The following HSD3B2 variants were observed in gnomAD, a reference collection of about 807,000 sequenced individuals.
HSD3B2 encodes the protein 3 beta-hydroxysteroid dehydrogenase/Delta 5-->4-isomerase type 2.
HSD3B2 carries 8 observed loss-of-function variants against 9.9 expected under a neutral mutation model. The ratio of observed to expected loss-of-function variants is 0.81; its 90% CI spans 0.47 to 1.46. The LOEUF is 1.46. HSD3B2 is among the 40% of genes most tolerant of loss of function. The pLI, the probability that HSD3B2 is intolerant of heterozygous loss-of-function variation, is 0.00. For missense variants in HSD3B2, 410 were observed against 448.3 expected (o/e 0.91, Z 0.77); for synonymous variants, 221 against 184.5 (o/e 1.20, Z -1.60).
At chr1:119,421,547 C>A (rs1432255631) in intron 3 of HSD3B2, among the ~76,000 whole-genome samples, 8 of 145,014 alleles carry the variant, frequency 5.5e-5, no homozygotes, top group Non-Finnish European at 9.1e-5. Context: ...ACACACACAC[C>A]ACACACAAAC....
intron 2 of HSD3B2, among the ~76,000 whole-genome samples, chr1:119,418,655 TA>T (rs1651776486): frequency 1.4e-5 from 2 of 144,450 alleles, no homozygotes; most frequent in Non-Finnish European, 3.0e-5. Context: ...TTATTATTAT[TA>T]TTATTATTAT....
chr1:119,418,949 C>T (rs1465558979), intron 2 of HSD3B2, among the ~76,000 whole-genome samples: 1 of 152,120 alleles, frequency 6.6e-6, no homozygotes, highest in African/African-American at 2.4e-5. Flanking sequence ...CTGCACCCGG[C>T]CTGTTTCTCT....
In HSD3B2 at chr1:119,422,308, C is replaced by T. The variant is rs1651911689; in HGVS notation, c.807C>T (p.Tyr269=). The part of the protein sequence containing the change: ...TPHQSYDNLN[Y]ILSKEFGLRL... ...ACCAAAGCTATGATAACCTTAATTA[C>T]ATCCTGAGCAAAGAGTTTGGCCTCC... Residue 269 remains tyrosine (Y), a synonymous_variant, in exon 4 of 4, where the codon TAC becomes TAT. Coordinates refer to ENST00000369416, the MANE Select transcript of HSD3B2 (RefSeq NM_000198.4). 6.2e-7 allele frequency: 1 copy of T among 1,614,136 alleles called. No homozygotes were observed. Among genetic ancestry groups the T allele is most frequent in the Non-Finnish European group, 8.5e-7 (1 of 1,180,010 alleles).
chr1:119,422,907 G>A lies in HSD3B2; in HGVS notation c.*287G>A, dbSNP rs1254988677. On this transcript the variant is annotated 3_prime_UTR_variant, in exon 4 of 4. Coordinates refer to ENST00000369416, the MANE Select transcript of HSD3B2 (RefSeq NM_000198.4). ...CAATTGTGGTCTCTCTTAACTTGAGGTTCTCTTTTGACTAATAGAGCTCCA... is the reference window on the plus strand; with the variant it reads ...CAATTGTGGTCTCTCTTAACTTGAGATTCTCTTTTGACTAATAGAGCTCCA... 2 of 520,104 alleles carry A rather than the reference G, an allele frequency of 3.8e-6. No homozygotes were observed. The highest frequency in any genetic ancestry group is 3.8e-5 in the African/African-American group (2 of 52,558). The allele number at this position is 520,104 out of a possible 1,614,324, so 32.2% of individuals were successfully genotyped here.
intron 2 of HSD3B2, among the ~76,000 whole-genome samples, chr1:119,418,453 G>T (rs1253943936): frequency 6.6e-6 from 1 of 151,892 alleles, no homozygotes; most frequent in Non-Finnish European, 1.5e-5. Flanking sequence ...CCCCTCCTCT[G>T]CTTCCACTGC....
chr1:119,419,465 G>A lies in HSD3B2; in HGVS notation c.190G>A (p.Asp64Asn). ...GACTGTACTTGAAGGAGACATTCTG[G>A]ATGAGCCATTCCTGAAAAGAGCCTG... ...KLTVLEGDIL[D>N]EPFLKRACQD... The change falls in exon 3 of 4, where the codon GAT (aspartate) becomes AAT (asparagine). Residue 64 changes from aspartate to asparagine, a missense_variant. By Grantham distance (23) the Asp-to-Asn change is conservative. Coordinates refer to ENST00000369416, the MANE Select transcript of HSD3B2 (RefSeq NM_000198.4). 1 of 1,613,700 alleles carries A rather than the reference G, an allele frequency of 6.2e-7. No homozygotes were observed. Among genetic ancestry groups the A allele is most frequent in the East Asian group, 2.2e-5 (1 of 44,854 alleles).
intron 2 of HSD3B2, among the ~76,000 whole-genome samples, chr1:119,417,742 T>C: frequency 6.6e-6 from 1 of 152,214 alleles, no homozygotes; most frequent in East Asian, 1.9e-4. Flanking sequence ...TCACTGTTCT[T>C]TGGCCTTTGT....
intron 3 of HSD3B2, among the ~76,000 whole-genome samples, chr1:119,420,319 C>T (rs1651826330): frequency 6.6e-6 from 1 of 152,086 alleles, no homozygotes; most frequent in Non-Finnish European, 1.5e-5. Flanking sequence ...CTCTTCAAAA[C>T]ACAGCTCCCC....
rs1447119670 is a variant in HSD3B2, at chr1:119,415,396, T to A, written c.-24T>A. 1 of 1,613,516 alleles carries A rather than the reference T, an allele frequency of 6.2e-7. No individual in the cohort carries two copies. Among genetic ancestry groups the A allele is most frequent in the Admixed American group, 1.7e-5 (1 of 60,008 alleles). On this transcript the variant is annotated 5_prime_UTR_variant, in exon 2 of 4. Transcript: ENST00000369416. ...CATCTTCTGTTTCCTGGCAAGTGTT[T>A]CCTGCTACTTTGGATTGGCCACGAT...
intron 3 of HSD3B2, among the ~76,000 whole-genome samples, chr1:119,421,461 A>C (rs1651867701): frequency 1.1e-4 from 1 of 8,914 alleles, no homozygotes; most frequent in Non-Finnish European, 2.0e-4. Flanking sequence ...ATGTATATAT[A>C]TATGTATATA....
At chr1:119,417,465 A>C (rs1651742034) in intron 2 of HSD3B2, 1 of 152,216 alleles carries the variant, frequency 6.6e-6, no homozygotes, top group African/African-American at 2.4e-5. Flanking sequence ...TAAAGTCGGC[A>C]GCAAAGGAGA....
Position 119,421,963 on chromosome 1 carries a change from C to T in HSD3B2, c.462C>T (p.Tyr154=), listed in dbSNP as rs1651890566. The T allele has an allele frequency of 6.2e-7, 1 of 1,614,082 alleles. No homozygotes were observed. Among genetic ancestry groups the T allele is most frequent in the South Asian group, 1.1e-5 (1 of 91,070 alleles). Residue 154 remains tyrosine, a synonymous_variant, in exon 4 of 4, where the codon TAC becomes TAT. Transcript: ENST00000369416. The part of the protein sequence containing the change: ...EPLENTWPTP[Y]PYSKKLAEKA... ...TGGAAAACACATGGCCCACTCCATACCCGTACAGCAAAAAGCTTGCTGAGA... is the reference window on the plus strand; with the variant it reads ...TGGAAAACACATGGCCCACTCCATATCCGTACAGCAAAAAGCTTGCTGAGA...
rs1651915074 is a variant in HSD3B2 at position 119,422,412 on chromosome 1, T to A, written c.911T>A (p.Leu304His). Residue 304 changes from leucine (L) to histidine (H), a missense_variant, in exon 4 of 4, where the codon CTC (leucine) becomes CAC (histidine). By Grantham distance (99) the Leu-to-His change is moderately conservative. Transcript: ENST00000369416. ...CTGCTGGAAGTAGTGAGCTTCCTAC[T>A]CAGCCCAATTTACTCCTATCAACCC... is the stretch of plus-strand genomic sequence containing the variant. ...GFLLEVVSFL[L>H]SPIYSYQPPF... The A allele has an allele frequency of 1.2e-6, 2 of 1,614,016 alleles. No individual in the cohort carries two copies. Among genetic ancestry groups the A allele is most frequent in the Admixed American group, 3.3e-5 (2 of 60,002 alleles).
rs1329835742 is a variant in HSD3B2 at position 119,419,425 on chromosome 1, G to C, written c.150G>C (p.Gln50His). The C allele has an allele frequency of 6.2e-7, 1 of 1,613,554 alleles. No individual in the cohort carries two copies. The highest frequency in any genetic ancestry group is 1.3e-5 in the African/African-American group (1 of 74,862). The change falls in exon 3 of 4, where the codon CAG (glutamine) becomes CAC (histidine). Residue 50 changes from glutamine to histidine, a missense_variant. Coordinates refer to ENST00000369416, the MANE Select transcript of HSD3B2 (RefSeq NM_000198.4). The part of the protein sequence containing the change: ...PELREEFSKL[Q>H]NRTKLTVLEG... ...TGACCTGTGTTCACACAGAGCTCCA[G>C]AACAGGACCAAGCTGACTGTACTTG...
intron 2 of HSD3B2, among the ~76,000 whole-genome samples, 182 bp downstream of exon 2, chr1:119,415,743 T>C (rs1368302840): frequency 6.6e-6 from 1 of 152,160 alleles, no homozygotes; most frequent in Non-Finnish European, 1.5e-5. Flanking sequence ...GGATGGGGTG[T>C]CCAGAGACTG....
Position 119,421,966 on chromosome 1 carries a change from G to C in HSD3B2, c.465G>C (p.Pro155=), listed in dbSNP as rs114527791. The C allele has an allele frequency of 6.2e-7, 1 of 1,613,562 alleles. No homozygotes were observed. Among genetic ancestry groups the C allele is most frequent in the East Asian group, 2.2e-5 (1 of 44,866 alleles). ...AAAACACATGGCCCACTCCATACCCGTACAGCAAAAAGCTTGCTGAGAAGG... is the reference window on the plus strand; with the variant it reads ...AAAACACATGGCCCACTCCATACCCCTACAGCAAAAAGCTTGCTGAGAAGG... ...PLENTWPTPY[P]YSKKLAEKAV... is the part of the protein sequence containing the mutation. The change falls in exon 4 of 4, where the codon CCG becomes CCC. Residue 155 remains proline, a synonymous_variant. Coordinates refer to ENST00000369416, the MANE Select transcript of HSD3B2 (RefSeq NM_000198.4).
At position 119,422,158 on chromosome 1, in the gene HSD3B2, A is replaced by T. The variant is rs764274511; in HGVS notation, c.657A>T (p.Thr219=). The change falls in exon 4 of 4, where the codon ACA becomes ACT. Residue 219 remains threonine (T), a synonymous_variant. Transcript: ENST00000369416. ...GILSSVGKFS[T]VNPVYVGNVA... ...TGTCAAGTGTTGGAAAGTTCTCTAC[A>T]GTCAACCCAGTCTATGTTGGCAACG... The T allele has an allele frequency of 6.2e-7, 1 of 1,614,102 alleles. No homozygotes were observed. Among genetic ancestry groups the T allele is most frequent in the South Asian group, 1.1e-5 (1 of 91,084 alleles).
At position 119,415,460 on chromosome 1, in the gene HSD3B2, T is replaced by C. The variant is rs1386322027; in HGVS notation, c.41T>C (p.Leu14Pro). Residue 14 changes from leucine (L) to proline (P), a missense_variant, in exon 2 of 4, where the codon CTG becomes CCG. Physicochemically the swap from Leu to Pro is moderately conservative, Grantham distance 98. Transcript: ENST00000369416. ...CTTGTGACAGGAGCAGGAGGGCTTC[T>C]GGGTCAGAGGATCGTCCGCCTGTTG... ...SCLVTGAGGLLGQRIVRLLVE... is the reference protein window; with the variant it reads ...SCLVTGAGGLPGQRIVRLLVE... 6.2e-7 allele frequency: 1 copy of C among 1,614,012 alleles called. No homozygotes were observed. Among genetic ancestry groups the C allele is most frequent in the African/African-American group, 1.3e-5 (1 of 75,024 alleles).
At chr1:119,415,760 G>A (rs1042106912) in intron 2 of HSD3B2, among the ~76,000 whole-genome samples, 199 bp downstream of exon 2, 3 of 152,166 alleles carry the variant, frequency 2.0e-5, no homozygotes, top group African/African-American at 7.2e-5. Flanking sequence ...ACTGGATTCT[G>A]GCCCTGACGC....
Sources: gnomAD v4.1 joint callset for allele counts (sites outside exome capture counted in the v4.1 genomes callset) on GRCh38, gnomAD v4.1.1 for gene constraint, MANE v1.5 for transcripts, NCBI Gene and HGNC (gene_info 2026-07-23, HGNC 2026-07-21) for gene names.